Variants in CARMIL1 observed in about 807,000 individuals in gnomAD.
CARMIL1 encodes capping protein regulator and myosin 1 linker 1.
Under a neutral mutation model 177.1 loss-of-function variants are expected in CARMIL1, and 90 were observed. The observed-to-expected ratio is 0.51, with a 90% CI of 0.43 to 0.61. CARMIL1 has a LOEUF of 0.61. Among genes scored for constraint, CARMIL1 ranks in the 20% least tolerant of loss-of-function variants. The pLI, the probability that CARMIL1 is intolerant of heterozygous loss-of-function variation, is 0.00. For missense variants in CARMIL1, 1,380 were observed against 1,667.0 expected (o/e 0.83, Z 3.00); for synonymous variants, 577 against 606.2 (o/e 0.95, Z 0.71).
chr6:25,586,555 C>T (rs1432963946), intron 31 of CARMIL1, among the ~76,000 whole-genome samples: 19 of 151,994 alleles, frequency 1.3e-4, no homozygotes, highest in Middle Eastern at 3.4e-3. Flanking sequence ...GACGGGGTGG[C>T]GGCCAGGCAG....
intron 12 of CARMIL1, among the ~76,000 whole-genome samples, chr6:25,483,654 A>G (rs147215498): frequency 1.5e-5 from 2 of 135,018 alleles, no homozygotes; most frequent in Non-Finnish European, 3.1e-5. Context: ...CATGCATCCT[A>G]TGCAGATTCA....
intron 1 of CARMIL1, 65 bp from the exon 2 acceptor site, chr6:25,284,747 C>T (rs1041454953): frequency 4.5e-6 from 4 of 893,128 alleles, no homozygotes; most frequent in East Asian, 2.7e-5. Flanking sequence ...ATATACTCCT[C>T]CAAATGCTTA....
intron 2 of CARMIL1, among the ~76,000 whole-genome samples, chr6:25,374,667 C>T (rs551807203): frequency 1.3e-5 from 2 of 151,974 alleles, no homozygotes; most frequent in Admixed American, 6.5e-5. Flanking sequence ...TTTCTTAGGT[C>T]GTGTAGTAAT....
At chr6:25,316,635 CT>C (rs1170236906) in intron 2 of CARMIL1, among the ~76,000 whole-genome samples, 3 of 152,086 alleles carry the variant, frequency 2.0e-5, no homozygotes, top group Non-Finnish European at 4.4e-5. Context: ...TGGTCTTGAA[CT>C]CCTGACCTCA....
chr6:25,514,532 C>T (rs1344504789), intron 20 of CARMIL1, among the ~76,000 whole-genome samples: 1 of 122,586 alleles, frequency 8.2e-6, no homozygotes, highest in Non-Finnish European at 1.6e-5. Flanking sequence ...CTTGGGGGGA[C>T]AGAGCGAGAC....
intron 2 of CARMIL1, among the ~76,000 whole-genome samples, chr6:25,312,917 A>ACAAC (rs55806424): frequency 0.21 from 31,259 of 150,446 alleles, 4,310 homozygotes; most frequent in East Asian, 0.4. Context: ...AAAAAAAAAA[A>ACAAC]AAAAAAAAAA....
intron 2 of CARMIL1, among the ~76,000 whole-genome samples, chr6:25,335,208 G>A (rs140841104): frequency 6.6e-6 from 1 of 152,248 alleles, no homozygotes; most frequent in African/African-American, 2.4e-5. Flanking sequence ...AATTTGTGTT[G>A]CAACTGGTAA....
Position 25,489,140 on chromosome 6 carries a change from G to C in CARMIL1, c.1065+555G>C, listed in dbSNP as rs561205728. Among the ~76,000 whole-genome samples, 69 of 147,954 alleles carry C rather than the reference G, an allele frequency of 4.7e-4. 1 individual carries two copies. Among genetic ancestry groups the C allele is most frequent in the Admixed American group, 7.6e-4 (11 of 14,546 alleles). Reference sequence around the variant, plus strand: ...AGATTACACCACTGCACTCCAGCCTGGGCGACAGTGTGAGTCTCCGTATCA... The same window carrying C: ...AGATTACACCACTGCACTCCAGCCTCGGCGACAGTGTGAGTCTCCGTATCA... On this transcript the variant is annotated intron_variant, in intron 13 of 36. Coordinates refer to ENST00000329474, the MANE Select transcript of CARMIL1 (RefSeq NM_017640.6).
chr6:25,351,981 T>C (rs186095805), intron 2 of CARMIL1, among the ~76,000 whole-genome samples: 53 of 152,194 alleles, frequency 3.5e-4, no homozygotes, highest in African/African-American at 1.1e-3. Flanking sequence ...CCATTTAAAA[T>C]AAATAGATTT....
intron 2 of CARMIL1, among the ~76,000 whole-genome samples, chr6:25,373,455 T>G (rs1790637524): frequency 6.6e-6 from 1 of 151,628 alleles, no homozygotes; most frequent in African/African-American, 2.4e-5. Flanking sequence ...GCTAGGAAGA[T>G]TGTATGTTTC....
At chr6:25,479,574 G>A (rs1383682606) in intron 11 of CARMIL1, among the ~76,000 whole-genome samples, 1 of 151,988 alleles carries the variant, frequency 6.6e-6, no homozygotes, top group Non-Finnish European at 1.5e-5. Flanking sequence ...AGTCTTGTTG[G>A]AGTTTATTAA....
intron 8 of CARMIL1, chr6:25,452,030 C>T: frequency 5.3e-6 from 2 of 378,768 alleles, no homozygotes; most frequent in Middle Eastern, 6.1e-4. Flanking sequence ...ATTATTTTTC[C>T]ACCTACCTGG....
intron 24 of CARMIL1, among the ~76,000 whole-genome samples, chr6:25,533,166 C>T (rs1007056984): frequency 5.9e-5 from 9 of 152,236 alleles, no homozygotes; most frequent in African/African-American, 2.2e-4. Flanking sequence ...TTGTTAAACA[C>T]TCACTTTGCA....
chr6:25,577,332 T>C lies in CARMIL1; in HGVS notation c.2743-3592T>C, dbSNP rs1033581842. ...AAAGACATGATTACTTTTAAGATTT[T>C]TTTCCTGATTCTTGTCATATTACTT... is the stretch of plus-strand genomic sequence containing the variant. On this transcript the variant is annotated intron_variant, in intron 29 of 36. Coordinates refer to ENST00000329474, the MANE Select transcript of CARMIL1 (RefSeq NM_017640.6). This position sits in a 1 kb window ranked among gnomAD's most constrained non-coding sequence, Gnocchi z 4.5. Among the ~76,000 whole-genome samples the C allele has an allele frequency of 1.3e-5, 2 of 152,200 alleles. No individual in the cohort carries two copies. Among genetic ancestry groups the C allele is most frequent in the Non-Finnish European group, 2.9e-5 (2 of 68,030 alleles).
chr6:25,490,747 AAAT>A (rs1452251873), intron 13 of CARMIL1, among the ~76,000 whole-genome samples: 57 of 37,716 alleles, frequency 1.5e-3, no homozygotes, highest in South Asian at 2.0e-3. Flanking sequence ...ATAAATAAAT[AAAT>A]AAAAAAAAAT....
At position 25,538,082 on chromosome 6, in the gene CARMIL1, T is replaced by C. The variant is rs189087992; in HGVS notation, c.2196+99T>C. ...GTTTCAACTTTCTCTCTCTACCCAA[T>C]TCCAAGTTTACTAACAAGTGGCAAA... On this transcript the variant is annotated intron_variant, in intron 25 of 36. Transcript: ENST00000329474. 3.7e-5 allele frequency: 50 copies of C among 1,340,366 alleles called. No homozygotes were observed. In the Middle Eastern group the frequency reaches 7.8e-4, roughly 21 times the overall value. 83.0% of individuals were successfully genotyped at this position (1,340,366 alleles called of 1,614,324 possible).
chr6:25,504,521 C>A (rs560203379), intron 17 of CARMIL1, among the ~76,000 whole-genome samples: 1 of 152,184 alleles, frequency 6.6e-6, no homozygotes, highest in Admixed American at 6.5e-5. Context: ...TGCTTTCTTA[C>A]AATACAAACA....
intron 2 of CARMIL1, among the ~76,000 whole-genome samples, chr6:25,342,757 A>G (rs762634043): frequency 6.6e-6 from 1 of 152,096 alleles, no homozygotes; most frequent in Non-Finnish European, 1.5e-5. Flanking sequence ...AATACTTTAT[A>G]CTGTCTAGGG....
intron 8 of CARMIL1, among the ~76,000 whole-genome samples, chr6:25,452,875 A>G (rs1799119113): frequency 6.6e-6 from 1 of 152,232 alleles, no homozygotes; most frequent in Non-Finnish European, 1.5e-5. Flanking sequence ...GTACTTCACC[A>G]AAACTCAACA....
Sources: gnomAD v4.1 joint callset for allele counts (sites outside exome capture counted in the v4.1 genomes callset) on GRCh38, gnomAD v4.1.1 for gene constraint, Gnocchi (gnomAD v3.1) non-coding constraint, MANE v1.5 for transcripts, NCBI Gene and HGNC (gene_info 2026-07-23, HGNC 2026-07-21) for gene names.